Variants in GOLM1 observed in about 807,000 individuals in gnomAD.
The protein encoded by GOLM1 is epididymis luminal protein 46.
Under a neutral mutation model 50.5 loss-of-function variants are expected in GOLM1, and 31 were observed. The ratio of observed to expected loss-of-function variants is 0.61; its 90% CI spans 0.46 to 0.83. The LOEUF is 0.83. Ranked by LOEUF, GOLM1 falls within the 40% of genes least tolerant of loss-of-function variation. GOLM1 has a pLI of 0.00. For synonymous variants in GOLM1, 178 were observed against 192.8 expected, an observed-to-expected ratio of 0.92 and a Z score of 0.64; for missense variants, 491 against 501.3, an observed-to-expected ratio of 0.98 and a Z score of 0.20.
intron 3 of GOLM1, among the ~76,000 whole-genome samples, chr9:86,066,176 TG>T (rs1247362685): frequency 6.6e-6 from 1 of 152,178 alleles, no homozygotes; most frequent in African/African-American, 2.4e-5. Context: ...CAAATGCTGT[TG>T]TATTTGAGGG....
rs781078106 is a variant in GOLM1 at position 86,077,583 on chromosome 9, G to A, written c.138C>T (p.Ile46=). The change falls in exon 3 of 10, where the codon ATC becomes ATT. Residue 46 remains isoleucine, a synonymous_variant. Coordinates refer to ENST00000388712, the MANE Select transcript of GOLM1 (RefSeq NM_016548.4). ...TGCGGACCCTGCCTTCCAGCTCCAT[G>A]ATCCGTGTCTACAAGGAGACCGTGG... The part of the protein sequence containing the change: ...SSRSVDLQTR[I]MELEGRVRRA... The A allele has an allele frequency of 6.2e-7, 1 of 1,612,660 alleles. No individual in the cohort carries two copies. The highest frequency in any genetic ancestry group is 8.5e-7 in the Non-Finnish European group (1 of 1,178,916).
intron 3 of GOLM1, among the ~76,000 whole-genome samples, chr9:86,060,975 T>C (rs1224586781): frequency 7.0e-6 from 1 of 143,338 alleles, no homozygotes; most frequent in Non-Finnish European, 1.5e-5. Flanking sequence ...ATACTTGACA[T>C]GAGGAATTCC....
intron 3 of GOLM1, among the ~76,000 whole-genome samples, chr9:86,056,408 CG>C (rs1833987472): frequency 6.7e-6 from 1 of 148,950 alleles, no homozygotes; most frequent in African/African-American, 2.5e-5. Context: ...AGGGAAACTA[CG>C]AAAATGCTTC....
At chr9:86,062,476 G>A (rs952739616) in intron 3 of GOLM1, among the ~76,000 whole-genome samples, 2 of 151,208 alleles carry the variant, frequency 1.3e-5, no homozygotes, top group African/African-American at 4.9e-5. Context: ...AGAGGGAAGG[G>A]AGGACGGGGG....
chr9:86,053,549 CACACACTACACACACACA>C (rs1833859155), intron 3 of GOLM1, among the ~76,000 whole-genome samples: 1 of 518 alleles, frequency 1.9e-3, no homozygotes, highest in African/African-American at 4.2e-3. Context: ...CCACACCAAA[CACACACTACACACACACA>C]CATCACACAC....
rs56378463 is a variant in GOLM1 at position 86,038,387 on chromosome 9, C to A, written c.598-1880G>T. Among the ~76,000 whole-genome samples, 143 of 152,196 alleles carry A rather than the reference C, an allele frequency of 9.4e-4. 1 individual carries two copies. Among genetic ancestry groups the A allele is most frequent in the African/African-American group, 3.4e-3 (141 of 41,510 alleles). On this transcript the variant is annotated intron_variant, in intron 6 of 9. Transcript: ENST00000388712. The stretch of plus-strand genomic sequence containing the variant: ...TTCTCCTTAACCAGGCCGGCCCTCA[C>A]GAGGAGCGCATTACCCAGAGCTCCT...
At chr9:86,088,388 C>A (rs2118888025) in intron 1 of GOLM1, among the ~76,000 whole-genome samples, 1 of 133,024 alleles carries the variant, frequency 7.5e-6, no homozygotes, top group East Asian at 2.3e-4. Flanking sequence ...TTCAAAAAAC[C>A]AGCTCCTGGA....
chr9:86,052,305 CTT>C (rs1220891025), intron 4 of GOLM1, among the ~76,000 whole-genome samples: 1 of 152,160 alleles, frequency 6.6e-6, no homozygotes, highest in Non-Finnish European at 1.5e-5. Context: ...GAGTGACACT[CTT>C]AACTCTTCTG....
At chr9:86,038,611 C>T (rs1833230050) in intron 6 of GOLM1, among the ~76,000 whole-genome samples, 1 of 151,966 alleles carries the variant, frequency 6.6e-6, no homozygotes, top group Non-Finnish European at 1.5e-5. Context: ...CACTAAAACA[C>T]TCAGGCTCAC....
intron 3 of GOLM1, among the ~76,000 whole-genome samples, chr9:86,069,602 C>A (rs574597527): frequency 6.6e-6 from 1 of 152,174 alleles, no homozygotes; most frequent in Non-Finnish European, 1.5e-5. Context: ...AGCCAGTGGA[C>A]GGATTCCTCC....
At position 86,027,954 on chromosome 9, in the gene GOLM1, G is replaced by T. The variant is rs1444894384; in HGVS notation, c.1130-61C>A. 7.1e-6 allele frequency: 7 copies of T among 983,666 alleles called. No individual in the cohort carries two copies. The Admixed American group carries it at 8.6e-5, about 12-fold the overall frequency. The allele number at this position is 983,666 out of a possible 1,614,324, so 60.9% of individuals were successfully genotyped here. A position where few individuals can be genotyped will look rare whatever the true frequency, so the allele number is the denominator to read the frequency against. On this transcript the variant is annotated intron_variant, in intron 9 of 9. Coordinates refer to ENST00000388712, the MANE Select transcript of GOLM1 (RefSeq NM_016548.4). ...TTAAATGAGATACTAGCCCTAGGCAGGTCCCATTTTCTTATCAACTTCTAG... is the reference window on the plus strand; with the variant it reads ...TTAAATGAGATACTAGCCCTAGGCATGTCCCATTTTCTTATCAACTTCTAG...
chr9:86,059,952 G>A (rs765857307), intron 3 of GOLM1, among the ~76,000 whole-genome samples: 34 of 149,376 alleles, frequency 2.3e-4, no homozygotes, highest in Non-Finnish European at 3.5e-4. Context: ...ATAGTTGCAT[G>A]GCATTGTGAA....
rs547554943 is a variant in GOLM1, at chr9:86,089,219, T to A, written c.-21-9878A>T. Among the ~76,000 whole-genome samples the A allele has an allele frequency of 9.9e-4, 151 of 152,334 alleles. 2 individuals are homozygous for A. Among genetic ancestry groups the A allele is most frequent in the African/African-American group, 3.5e-3 (145 of 41,592 alleles). The stretch of plus-strand genomic sequence containing the variant: ...TTTCCTTCATTTCAACCTTGGTGAA[T>A]CTGACAATTATGTGTCTTCAGGTTG... On this transcript the variant is annotated intron_variant, in intron 1 of 9. Transcript: ENST00000388712.
chr9:86,033,430 ATTTC>A, intron 8 of GOLM1, 35 bp from the exon 9 acceptor site: 1 of 1,298,260 alleles, frequency 7.7e-7, no homozygotes, highest in Non-Finnish European at 1.1e-6. Context: ...AAGCTACATC[ATTTC>A]TGTCTTGATG....
chr9:86,096,696 GAGAA>G (rs1281714517), intron 1 of GOLM1, among the ~76,000 whole-genome samples: 1 of 152,122 alleles, frequency 6.6e-6, no homozygotes, highest in African/African-American at 2.4e-5. Context: ...TTAAAATTAA[GAGAA>G]AGAGTATTTA....
At chr9:86,034,939 G>T in intron 8 of GOLM1, 1 of 855,804 alleles carries the variant, frequency 1.2e-6, no homozygotes, top group Non-Finnish European at 1.4e-6. Context: ...GTTCACATAT[G>T]CATTAACCTT....
intron 3 of GOLM1, among the ~76,000 whole-genome samples, chr9:86,070,740 A>T (rs1834425119): frequency 6.6e-6 from 1 of 152,082 alleles, no homozygotes; most frequent in African/African-American, 2.4e-5. Context: ...TTTACCACGA[A>T]CTCGAACTTT....
rs978979967 is a variant in GOLM1, at chr9:86,026,242, C to A, written c.*1575G>T. The A allele has an allele frequency of 1.0e-6, 1 of 984,010 alleles. No individual in the cohort carries two copies. The highest frequency in any genetic ancestry group is 1.8e-5 in the African/African-American group (1 of 56,676). The allele number at this position is 984,010 out of a possible 1,614,324, so 61.0% of individuals were successfully genotyped here. A position where few individuals can be genotyped will look rare whatever the true frequency, so the allele number is the denominator to read the frequency against. ...TTATTGAGAAAGCAAGAGAAAATTC[C>A]TATCAACCCCAAGGAGGACTCAAAG... On this transcript the variant is annotated 3_prime_UTR_variant, in exon 10 of 10. Coordinates refer to ENST00000388712, the MANE Select transcript of GOLM1 (RefSeq NM_016548.4).
chr9:86,036,838 A>G, intron 6 of GOLM1: 1 of 268,744 alleles, frequency 3.7e-6, no homozygotes, highest in South Asian at 7.3e-5. Flanking sequence ...ATACTCCTTG[A>G]CGAAACAAAC....
Sources: allele counts gnomAD v4.1 joint callset (sites outside exome capture counted in the v4.1 genomes callset), GRCh38; gene constraint gnomAD v4.1.1; transcripts MANE v1.5; gene names NCBI Gene and HGNC (gene_info 2026-07-23, HGNC 2026-07-21).